CSMD3: variants seen among roughly 807,000 people sequenced by gnomAD.
The protein encoded by CSMD3 is CUB and sushi domain-containing protein 3.
In CSMD3, 177 loss-of-function variants were observed where a neutral mutation model predicts 435.2. The observed-to-expected ratio is 0.41, with a 90% CI of 0.36 to 0.46. The LOEUF (loss-of-function observed/expected upper bound fraction) is 0.46. Among genes scored for constraint, CSMD3 ranks in the 20% least tolerant of loss-of-function variants. The pLI, the probability that CSMD3 is intolerant of heterozygous loss-of-function variation, is 0.34. For missense variants in CSMD3, 4,265 were observed against 4,504.6 expected, an observed-to-expected ratio of 0.95 and a Z score of 1.52; for synonymous variants, 1,656 against 1,520.5, an observed-to-expected ratio of 1.09 and a Z score of -2.07.
At chr8:112,382,737 C>G (rs914458047) in intron 37 of CSMD3, among the ~76,000 whole-genome samples, 71 of 152,172 alleles carry the variant, frequency 4.7e-4, no homozygotes, top group Non-Finnish European at 3.2e-4. Flanking sequence ...CACCTGTAAT[C>G]TCAGCACTTT....
chr8:113,356,537 G>A lies in CSMD3; in HGVS notation c.179-41744C>T, dbSNP rs184199524. On this transcript the variant is annotated intron_variant, in intron 1 of 70. Coordinates refer to ENST00000297405, the MANE Select transcript of CSMD3 (RefSeq NM_198123.2). ...ACACTCCTTTTCCAAGATTTCATGAGAGAAAGTAAGCACTCAATAAAAATG... is the reference window on the plus strand; with the variant it reads ...ACACTCCTTTTCCAAGATTTCATGAAAGAAAGTAAGCACTCAATAAAAATG... Among the ~76,000 whole-genome samples the A allele has an allele frequency of 3.3e-4, 50 of 152,194 alleles. No homozygotes were observed. In the East Asian group the frequency reaches 8.3e-3, roughly 25 times the overall value.
intron 4 of CSMD3, among the ~76,000 whole-genome samples, chr8:113,134,937 A>T (rs1412110121): frequency 3.3e-5 from 5 of 152,156 alleles, no homozygotes; most frequent in African/African-American, 9.6e-5. Flanking sequence ...AGGATCAAAC[A>T]TGAGGAGGAA....
intron 59 of CSMD3, among the ~76,000 whole-genome samples, chr8:112,277,876 A>C (rs562457035): frequency 1.3e-5 from 2 of 152,178 alleles, no homozygotes; most frequent in Non-Finnish European, 2.9e-5. Context: ...AGTATGGGGG[A>C]AACTGCCCCA....
In CSMD3 at chr8:112,571,606, T is replaced by C. The variant is rs146672349; in HGVS notation, c.4042+1895A>G. Among the ~76,000 whole-genome samples, 546 of 151,734 alleles carry C rather than the reference T, an allele frequency of 3.6e-3. 3 individuals are homozygous for C. The highest frequency in any genetic ancestry group is 0.013 in the African/African-American group (523 of 41,450). On this transcript the variant is annotated intron_variant, in intron 24 of 70. Coordinates refer to ENST00000297405, the MANE Select transcript of CSMD3 (RefSeq NM_198123.2). ...AATGCAGGCTGGGCATGGTGGCTAATGCCTGTAATCCCAGCACTTTGCGAG... is the reference window on the plus strand; with the variant it reads ...AATGCAGGCTGGGCATGGTGGCTAACGCCTGTAATCCCAGCACTTTGCGAG...
chr8:112,244,790 A>C (rs2130120298), intron 64 of CSMD3, among the ~76,000 whole-genome samples: 1 of 152,210 alleles, frequency 6.6e-6, no homozygotes, highest in Non-Finnish European at 1.5e-5. Flanking sequence ...GAACACTAGT[A>C]GATGTTAATA....
chr8:112,632,590 C>A (rs924505840), intron 22 of CSMD3, among the ~76,000 whole-genome samples: 3 of 151,964 alleles, frequency 2.0e-5, no homozygotes, highest in African/African-American at 7.2e-5. Context: ...CTTTCATTAG[C>A]TCGTTGTTTA....
At chr8:112,310,714 A>T in intron 50 of CSMD3, 1 of 516,410 alleles carries the variant, frequency 1.9e-6, no homozygotes. Context: ...ACTGGAATGG[A>T]GGATGTATGA....
At chr8:112,315,532 T>C (rs1187017582) in intron 47 of CSMD3, among the ~76,000 whole-genome samples, 1 of 151,872 alleles carries the variant, frequency 6.6e-6, no homozygotes, top group Admixed American at 6.6e-5. Flanking sequence ...AATTATTTAG[T>C]ATGGTCCATT....
intron 2 of CSMD3, among the ~76,000 whole-genome samples, chr8:113,302,122 G>A (rs574620439): frequency 2.7e-5 from 4 of 150,058 alleles, no homozygotes; most frequent in East Asian, 3.9e-4. Flanking sequence ...AGCTGTGCTC[G>A]AACCTATTTA....
intron 9 of CSMD3, among the ~76,000 whole-genome samples, chr8:112,922,166 G>A (rs561346290): frequency 6.6e-6 from 1 of 151,992 alleles, no homozygotes; most frequent in Non-Finnish European, 1.5e-5. Flanking sequence ...TGCATTTAAT[G>A]TATTTAGAGA....
At chr8:112,592,831 CTTCCT>C (rs997197292) in intron 22 of CSMD3, among the ~76,000 whole-genome samples, 1 of 152,048 alleles carries the variant, frequency 6.6e-6, no homozygotes, top group Non-Finnish European at 1.5e-5. Context: ...GATAGGTCCT[CTTCCT>C]CATGTGATAT....
intron 64 of CSMD3, among the ~76,000 whole-genome samples, chr8:112,245,979 C>T (rs1168313786): frequency 1.3e-5 from 2 of 152,190 alleles, no homozygotes; most frequent in African/African-American, 2.4e-5. Flanking sequence ...AGATGCTTCA[C>T]AGTGACAGAC....
intron 13 of CSMD3, among the ~76,000 whole-genome samples, chr8:112,729,888 T>A (rs1277902666): frequency 6.6e-6 from 1 of 152,116 alleles, no homozygotes; most frequent in Non-Finnish European, 1.5e-5. Flanking sequence ...TCAAACTTTT[T>A]GCCTCCAGAA....
intron 17 of CSMD3, among the ~76,000 whole-genome samples, chr8:112,662,526 G>T (rs1219027072): frequency 6.6e-6 from 1 of 152,062 alleles, no homozygotes; most frequent in Non-Finnish European, 1.5e-5. Context: ...ATTAATTCAA[G>T]ATGGATTAAA....
chr8:112,404,654 A>G (rs1380278450), intron 35 of CSMD3, among the ~76,000 whole-genome samples: 2 of 152,128 alleles, frequency 1.3e-5, no homozygotes, highest in Non-Finnish European at 2.9e-5. Context: ...CTAATGACCT[A>G]TGAACTGACA....
intron 12 of CSMD3, among the ~76,000 whole-genome samples, chr8:112,825,728 C>T (rs1463365897): frequency 1.3e-5 from 2 of 152,090 alleles, no homozygotes; most frequent in Non-Finnish European, 2.9e-5. Context: ...GATCTCTGAC[C>T]TCAAGGGGCA....
At chr8:112,762,215 A>T (rs12114638) in intron 13 of CSMD3, among the ~76,000 whole-genome samples, 50,609 of 151,798 alleles carry the variant, frequency 0.33, 9,319 homozygotes, top group African/African-American at 0.5. Context: ...AGAACGAGGC[A>T]GCAGATATGT....
intron 20 of CSMD3, chr8:112,643,404 C>G (rs1234214115): frequency 1.7e-5 from 2 of 120,032 alleles, no homozygotes; most frequent in Non-Finnish European, 3.7e-5. Flanking sequence ...TTGAAATTTT[C>G]CTTCATGTAA....
chr8:112,726,076 A>G (rs1165335734), intron 13 of CSMD3, among the ~76,000 whole-genome samples: 1 of 151,988 alleles, frequency 6.6e-6, no homozygotes, highest in Non-Finnish European at 1.5e-5. Flanking sequence ...GAATGAACGC[A>G]GGAGGAACTA....
Sources: allele counts gnomAD v4.1 joint callset (sites outside exome capture counted in the v4.1 genomes callset), GRCh38; gene constraint gnomAD v4.1.1; transcripts MANE v1.5; gene names NCBI Gene and HGNC (gene_info 2026-07-23, HGNC 2026-07-21).